Variants in SPTAN1 observed in about 807,000 individuals in gnomAD.
SPTAN1 encodes the protein spectrin alpha chain, non-erythrocytic 1.
A neutral mutation model predicts 331.3 loss-of-function variants in SPTAN1; 61 were observed. The observed-to-expected ratio is 0.18, with a 90% CI of 0.15 to 0.23. The LOEUF (loss-of-function observed/expected upper bound fraction) is 0.23, where lower values mean the gene tolerates loss of function less well. Among genes scored for constraint, SPTAN1 ranks in the 10% least tolerant of loss-of-function variants. SPTAN1 has a pLI of 1.00. For synonymous variants in SPTAN1, 1,153 were observed against 1,173.9 expected (o/e 0.98, Z 0.36); for missense variants, 2,043 against 3,147.9 (o/e 0.65, Z 8.40).
intron 24 of SPTAN1, among the ~76,000 whole-genome samples, chr9:128,594,826 A>ATTT: frequency 1.3e-5 from 1 of 76,842 alleles, no homozygotes; most frequent in Non-Finnish European, 2.8e-5. Context: ...TTTTTTTTCA[A>ATTT]TTTTTTTTTT....
At chr9:128,605,265 T>C (rs1855679580) in intron 30 of SPTAN1, 31 bp from the exon 31 acceptor site, 1 of 1,614,058 alleles carries the variant, frequency 6.2e-7, no homozygotes, top group Non-Finnish European at 8.5e-7. Flanking sequence ...ACCCCCTTAC[T>C]GCAAGCTCAT....
At position 128,617,715 on chromosome 9, in the gene SPTAN1, C is replaced by T. The variant is rs772382171; in HGVS notation, c.5433C>T (p.His1811=). Residue 1811 remains histidine (H), a synonymous_variant, in exon 42 of 57, where the codon CAC becomes CAT. Transcript: ENST00000372739. ...LTGVQNLRKK[H]KRLEAELAAH... ...GCGTGCAGAACCTGAGGAAGAAGCA[C>T]AAGCGGCTGGAAGCAGAACTGGCTG... 3.7e-6 allele frequency: 6 copies of T among 1,614,140 alleles called. No homozygotes were observed. In the Admixed American group the frequency reaches 1.0e-4, roughly 27 times the overall value.
chr9:128,584,535 C>T lies in SPTAN1; in HGVS notation c.2437+10C>T, dbSNP rs765718120. ...GCATCTACCAACAGAGGTCAGTCTG[C>T]TTCCCTCAGGTAGGAATCAACTTGG... is the stretch of plus-strand genomic sequence containing the variant. On this transcript the variant is annotated intron_variant, in intron 17 of 56. Coordinates refer to ENST00000372739, the MANE Select transcript of SPTAN1 (RefSeq NM_001130438.3). 6.8e-6 allele frequency: 11 copies of T among 1,613,972 alleles called. No individual in the cohort carries two copies. In the South Asian group the frequency reaches 1.2e-4, roughly 18 times the overall value.
At chr9:128,618,839 T>C (rs1318414711) in intron 43 of SPTAN1, 32 bp from the exon 44 acceptor site, 1 of 1,614,026 alleles carries the variant, frequency 6.2e-7, no homozygotes, top group African/African-American at 1.3e-5. Flanking sequence ...GAGGAGATTA[T>C]GGCTGATTTT....
At chr9:128,593,081 C>T (rs1853751569) in intron 23 of SPTAN1, 39 bp downstream of exon 23, 1 of 1,584,382 alleles carries the variant, frequency 6.3e-7, no homozygotes, top group East Asian at 2.3e-5. Context: ...CCAATGTCCA[C>T]TGCTACCCTA....
chr9:128,584,557 T>C (rs1349933061), intron 17 of SPTAN1, 32 bp downstream of exon 17: 5 of 1,613,950 alleles, frequency 3.1e-6, no homozygotes, highest in African/African-American at 2.7e-5. Context: ...AGGAATCAAC[T>C]TGGGAAAGGC....
chr9:128,605,301 C>A lies in SPTAN1; in HGVS notation c.3870C>A (p.Asn1290Lys). 2 of 1,614,190 alleles carry A rather than the reference C, an allele frequency of 1.2e-6. No individual in the cohort carries two copies. The highest frequency in any genetic ancestry group is 1.7e-6 in the Non-Finnish European group (2 of 1,180,036). ...TCACCACTTTCTTCCCATAGGTAAA[C>A]TCCCTTGGTGAAACAGCAGAGCGCC... is the stretch of plus-strand genomic sequence containing the variant. ...RDLAALGDKV[N>K]SLGETAERLI... The change falls in exon 31 of 57, where the codon AAC becomes AAA. Residue 1290 changes from asparagine to lysine, a missense_variant. Asn to Lys is a moderately conservative substitution (Grantham distance 94, BLOSUM62 0). This residue lies in a region of SPTAN1 where 42 missense variants were observed against 106.0 expected (regional missense o/e 0.40). Coordinates refer to ENST00000372739, the MANE Select transcript of SPTAN1 (RefSeq NM_001130438.3).
Position 128,611,778 on chromosome 9 carries a change from G to C in SPTAN1, c.4838G>C (p.Gly1613Ala). ...ELHANADRIR[G>A]VIDMGNSLIE... Reference sequence around the variant, plus strand: ...CATGCCAACGCTGACCGGATCCGTGGGGTTATCGACATGGGCAACTCCCTC... The same window carrying C: ...CATGCCAACGCTGACCGGATCCGTGCGGTTATCGACATGGGCAACTCCCTC... Residue 1613 changes from glycine to alanine, a missense_variant, in exon 38 of 57, where the codon GGG (glycine) becomes GCG (alanine). Physicochemically the swap from Gly to Ala is moderately conservative, Grantham distance 60. Transcript: ENST00000372739. 1.9e-6 allele frequency: 3 copies of C among 1,614,106 alleles called. No individual in the cohort carries two copies. Among genetic ancestry groups the C allele is most frequent in the Non-Finnish European group, 2.5e-6 (3 of 1,180,026 alleles).
intron 3 of SPTAN1, among the ~76,000 whole-genome samples, chr9:128,570,805 C>T (rs1302077695): frequency 6.6e-6 from 1 of 151,956 alleles, no homozygotes; most frequent in African/African-American, 2.4e-5. Flanking sequence ...TACAGGCATG[C>T]GCTGTGCCAC....
chr9:128,622,777 G>A (rs1159178421), intron 45 of SPTAN1, among the ~76,000 whole-genome samples: 2 of 148,602 alleles, frequency 1.3e-5, no homozygotes, highest in Non-Finnish European at 2.9e-5. Flanking sequence ...TTTTTAGACG[G>A]AGTCTCACTC....
At position 128,577,365 on chromosome 9, in the gene SPTAN1, G is replaced by A; in HGVS notation, c.944G>A (p.Cys315Tyr). 6.2e-7 allele frequency: 1 copy of A among 1,614,206 alleles called. No individual in the cohort carries two copies. Among genetic ancestry groups the A allele is most frequent in the Non-Finnish European group, 8.5e-7 (1 of 1,180,044 alleles). The change falls in exon 8 of 57, where the codon TGT (cysteine) becomes TAT (tyrosine). Residue 315 changes from cysteine to tyrosine, a missense_variant. Transcript: ENST00000372739. The surrounding 1 kb of genome is among the most constrained non-coding windows in gnomAD (Gnocchi z 4.2). ...GTTCATTTCTAGGTCAAAGCCCTGT[G>A]TGCTGAGGCTGACCGCCTGCAACAG... ...AALEDKVKAL[C>Y]AEADRLQQSH...
At chr9:128,579,809 C>A (rs1851724429) in intron 10 of SPTAN1, 71 bp downstream of exon 10, 1 of 1,239,714 alleles carries the variant, frequency 8.1e-7, no homozygotes, top group African/African-American at 1.5e-5. Flanking sequence ...AGCTATTATT[C>A]ATCCTTAAAT....
intron 41 of SPTAN1, among the ~76,000 whole-genome samples, chr9:128,616,374 C>T (rs991219292): frequency 1.3e-4 from 19 of 151,762 alleles, no homozygotes; most frequent in African/African-American, 4.6e-4. Flanking sequence ...ATCCACCCAC[C>T]TGGGCCTCCC....
At chr9:128,583,690 A>G (rs1852220333) in intron 15 of SPTAN1, 98 bp from the exon 16 acceptor site, 13 of 1,285,496 alleles carry the variant, frequency 1.0e-5, no homozygotes, top group Non-Finnish European at 1.5e-5. Flanking sequence ...TAAAATTCTG[A>G]CCTGTATAGT....
chr9:128,580,085 G>A (rs1851755282), intron 10 of SPTAN1, among the ~76,000 whole-genome samples: 1 of 152,010 alleles, frequency 6.6e-6, no homozygotes, highest in African/African-American at 2.4e-5. Context: ...GGCCAAGGCA[G>A]GAGGATTGCT....
In SPTAN1 at chr9:128,587,690, T is replaced by G; in HGVS notation, c.2863T>G (p.Ser955Ala). ...CCAGGCTTTGCGAGAACAAGCACAG[T>G]CCTGCCGGGTAAACTTGTAACAGTT... ...SIQALREQAQ[S>A]CRQQVAPTDD... Residue 955 changes from serine (S) to alanine (A), a missense_variant, in exon 20 of 57, where the codon TCC (serine) becomes GCC (alanine). This residue lies in a region of SPTAN1 where 1,038 missense variants were observed against 1,531.5 expected (regional missense o/e 0.68). Transcript: ENST00000372739. 1 of 1,614,060 alleles carries G rather than the reference T, an allele frequency of 6.2e-7. No individual in the cohort carries two copies. The highest frequency in any genetic ancestry group is 1.1e-5 in the South Asian group (1 of 91,064).
chr9:128,593,921 G>A, intron 23 of SPTAN1: 1 of 502,616 alleles, frequency 2.0e-6, no homozygotes, highest in Non-Finnish European at 3.7e-6. Flanking sequence ...TGCAGAATCG[G>A]CCTGGGGATA....
intron 21 of SPTAN1, among the ~76,000 whole-genome samples, chr9:128,590,108 G>C (rs1853276001): frequency 6.6e-6 from 1 of 152,206 alleles, no homozygotes; most frequent in African/African-American, 2.4e-5. Context: ...TTTAGTTAAG[G>C]CTGGAGAAAT....
At chr9:128,632,051 G>A (rs1208652386) in intron 52 of SPTAN1, 76 bp from the exon 53 acceptor site, 2 of 1,489,802 alleles carry the variant, frequency 1.3e-6, no homozygotes, top group East Asian at 2.4e-5. Flanking sequence ...AGGAACCAGA[G>A]GGCAGTAAGT....
Sources: gnomAD v4.1 joint callset for allele counts (sites outside exome capture counted in the v4.1 genomes callset) on GRCh38, gnomAD v4.1.1 for gene constraint, gnomAD v4.1.1 regional missense constraint, Gnocchi (gnomAD v3.1) non-coding constraint, MANE v1.5 for transcripts, NCBI Gene and HGNC (gene_info 2026-07-23, HGNC 2026-07-21) for gene names.